Variants in PRKAG2 observed in about 807,000 individuals in gnomAD.
The protein encoded by PRKAG2 is protein kinase AMP-activated non-catalytic subunit gamma 2.
PRKAG2 carries 26 observed loss-of-function variants against 69.6 expected under a neutral mutation model. The ratio of observed to expected loss-of-function variants is 0.37; its 90% CI spans 0.27 to 0.52. The LOEUF (loss-of-function observed/expected upper bound fraction) is 0.52. PRKAG2 is among the 20% of genes least tolerant of loss of function. The probability of loss-of-function intolerance (pLI) is 0.90; values close to 1 mark genes in which losing one functional copy is unlikely to be tolerated. For missense variants in PRKAG2, 557 were observed against 740.0 expected, an observed-to-expected ratio of 0.75 and a Z score of 2.87; for synonymous variants, 293 against 285.0, an observed-to-expected ratio of 1.03 and a Z score of -0.28.
chr7:151,813,689 C>T (rs1246537114), intron 1 of PRKAG2, among the ~76,000 whole-genome samples: 1 of 152,134 alleles, frequency 6.6e-6, no homozygotes, highest in Non-Finnish European at 1.5e-5. Flanking sequence ...ACAGCGGTGA[C>T]AGCCCACGGT....
intron 1 of PRKAG2, among the ~76,000 whole-genome samples, chr7:151,837,951 G>A (rs2079183429): frequency 6.6e-6 from 1 of 152,186 alleles, no homozygotes; most frequent in Non-Finnish European, 1.5e-5. Flanking sequence ...GGACACTGGA[G>A]CAGGCCGCGC....
rs750723643 is a variant in PRKAG2, at chr7:151,556,946, C to T, written c.*255G>A. On this transcript the variant is annotated 3_prime_UTR_variant, in exon 16 of 16. Coordinates refer to ENST00000287878, the MANE Select transcript of PRKAG2 (RefSeq NM_016203.4). ...GAAAAATAATGAAAACTTCAGGACACAGTGCACTTTAATGACATACAGCAT... is the reference window on the plus strand; with the variant it reads ...GAAAAATAATGAAAACTTCAGGACATAGTGCACTTTAATGACATACAGCAT... The T allele has an allele frequency of 3.9e-5, 21 of 537,156 alleles. No homozygotes were observed. Among genetic ancestry groups the T allele is most frequent in the Non-Finnish European group, 6.6e-5 (20 of 303,256 alleles). The allele number at this position is 537,156 out of a possible 1,614,324, so 33.3% of individuals were successfully genotyped here. A position where few individuals can be genotyped will look rare whatever the true frequency, so the allele number is the denominator to read the frequency against.
At chr7:151,769,322 C>G (rs750830149) in intron 3 of PRKAG2, among the ~76,000 whole-genome samples, 2 of 152,204 alleles carry the variant, frequency 1.3e-5, no homozygotes, top group Non-Finnish European at 2.9e-5. Context: ...CAGAAGGTGA[C>G]CTTATTTGGC....
chr7:151,745,765 A>C (rs965601896), intron 3 of PRKAG2, among the ~76,000 whole-genome samples: 3 of 152,216 alleles, frequency 2.0e-5, no homozygotes, highest in African/African-American at 7.2e-5. Flanking sequence ...GCAGCACCCA[A>C]AGAGTAAGAA....
rs1160002266 is a variant in PRKAG2, at chr7:151,781,452, G to A, written c.187-21C>T. 6.3e-7 allele frequency: 1 copy of A among 1,591,374 alleles called. No individual in the cohort carries two copies. Among genetic ancestry groups the A allele is most frequent in the South Asian group, 1.1e-5 (1 of 88,810 alleles). On this transcript the variant is annotated intron_variant, in intron 2 of 15. Coordinates refer to ENST00000287878, the MANE Select transcript of PRKAG2 (RefSeq NM_016203.4). The surrounding 1 kb of genome is among the most constrained non-coding windows in gnomAD (Gnocchi z 6.1). Reference sequence around the variant, plus strand: ...TCCACCTGCAGAAAAACAGACGAATGGATGCAGTCACTCCACGCTCTGGAC... The same window carrying A: ...TCCACCTGCAGAAAAACAGACGAATAGATGCAGTCACTCCACGCTCTGGAC...
rs553168239 is a variant in PRKAG2 at position 151,836,122 on chromosome 7, T to C, written c.114+40385A>G. On this transcript the variant is annotated intron_variant, in intron 1 of 15. Coordinates refer to ENST00000287878, the MANE Select transcript of PRKAG2 (RefSeq NM_016203.4). The surrounding 1 kb of genome is among the most constrained non-coding windows in gnomAD (Gnocchi z 4.1). ...ATTACAATGAATATTCATGACCGCT[T>C]CCCATATCCTGAGTTTTGTCTTCGG... 2.0e-5 allele frequency among the ~76,000 whole-genome samples: 3 copies of C among 152,328 alleles called. No homozygotes were observed. In the East Asian group the frequency reaches 5.8e-4, roughly 29 times the overall value.
intron 5 of PRKAG2, among the ~76,000 whole-genome samples, chr7:151,610,866 C>T (rs1336666442): frequency 1.3e-5 from 2 of 150,880 alleles, no homozygotes; most frequent in African/African-American, 2.4e-5. Flanking sequence ...ATTCTCCTGC[C>T]TTAGCTTCCT....
intron 9 of PRKAG2, 57 bp downstream of exon 9, chr7:151,572,607 C>CA (rs1222559387): frequency 1.3e-5 from 17 of 1,264,476 alleles, no homozygotes; most frequent in Non-Finnish European, 1.9e-5. Context: ...ACATACTTTT[C>CA]ATACTAAACA....
chr7:151,652,486 A>G (rs1167362918), intron 4 of PRKAG2, among the ~76,000 whole-genome samples: 1 of 152,156 alleles, frequency 6.6e-6, no homozygotes, highest in African/African-American at 2.4e-5. Context: ...AATATTTAAA[A>G]AGTTTTAATT....
chr7:151,688,720 G>T (rs1426764350), intron 3 of PRKAG2, among the ~76,000 whole-genome samples: 1 of 152,144 alleles, frequency 6.6e-6, no homozygotes, highest in East Asian at 1.9e-4. Context: ...CTAAAAACTG[G>T]GGAAGAAGTA....
intron 5 of PRKAG2, among the ~76,000 whole-genome samples, chr7:151,613,866 G>C: frequency 7.0e-6 from 1 of 142,262 alleles, no homozygotes; most frequent in African/African-American, 2.6e-5. Flanking sequence ...TGCAGTGGAC[G>C]ATCTCGGCTC....
At chr7:151,673,945 G>A (rs746298006) in intron 4 of PRKAG2, among the ~76,000 whole-genome samples, 1 of 150,136 alleles carries the variant, frequency 6.7e-6, no homozygotes, top group African/African-American at 2.5e-5. Context: ...GGGTTCCCAC[G>A]GTTCTCATGC....
At chr7:151,629,433 G>A (rs1031309576) in intron 5 of PRKAG2, among the ~76,000 whole-genome samples, 2 of 152,112 alleles carry the variant, frequency 1.3e-5, no homozygotes, top group Non-Finnish European at 2.9e-5. Flanking sequence ...TGCACCTGTC[G>A]GATATACGGA....
chr7:151,843,530 G>T (rs2079359665), intron 1 of PRKAG2, among the ~76,000 whole-genome samples: 2 of 152,226 alleles, frequency 1.3e-5, no homozygotes, highest in South Asian at 4.1e-4. Flanking sequence ...ATGGAGTAAA[G>T]TTGAAGCAAT....
intron 5 of PRKAG2, 119 bp from the exon 6 acceptor site, chr7:151,595,573 G>A (rs1388037082): frequency 1.3e-6 from 1 of 755,950 alleles, no homozygotes; most frequent in African/African-American, 1.7e-5. Context: ...TGTTTTCCCA[G>A]TATGATCAAG....
chr7:151,866,361 G>A (rs1411578567), intron 1 of PRKAG2, among the ~76,000 whole-genome samples: 2 of 152,198 alleles, frequency 1.3e-5, no homozygotes, highest in African/African-American at 4.8e-5. Flanking sequence ...GAATGGTTGT[G>A]AACCTTACAC....
At chr7:151,795,590 C>T (rs896361787) in intron 1 of PRKAG2, among the ~76,000 whole-genome samples, 2 of 152,120 alleles carry the variant, frequency 1.3e-5, no homozygotes, top group African/African-American at 4.8e-5. Context: ...AAGCAGGTGG[C>T]TGCCGTGGGC....
At chr7:151,709,167 G>T (rs1388936851) in intron 3 of PRKAG2, among the ~76,000 whole-genome samples, 4 of 152,206 alleles carry the variant, frequency 2.6e-5, no homozygotes, top group Non-Finnish European at 5.9e-5. Context: ...ATGACATTGA[G>T]TGACACTGTG....
intron 5 of PRKAG2, among the ~76,000 whole-genome samples, chr7:151,600,006 C>T (rs150159190): frequency 1.3e-5 from 2 of 152,286 alleles, no homozygotes; most frequent in African/African-American, 2.4e-5. Context: ...ATACTTTCTC[C>T]GTCTGTTTGT....
Sources: allele counts gnomAD v4.1 joint callset (sites outside exome capture counted in the v4.1 genomes callset), GRCh38; gene constraint gnomAD v4.1.1; non-coding constraint Gnocchi (gnomAD v3.1); transcripts MANE v1.5; gene names NCBI Gene and HGNC (gene_info 2026-07-23, HGNC 2026-07-21).